Variants in PIWIL1 observed in about 807,000 individuals in gnomAD.
PIWIL1 encodes piwi-like protein 1.
Under a neutral mutation model 114.4 loss-of-function variants are expected in PIWIL1, and 73 were observed. The ratio of observed to expected loss-of-function variants is 0.64; its 90% CI spans 0.53 to 0.78. The LOEUF (loss-of-function observed/expected upper bound fraction) is 0.78. PIWIL1 is among the 30% of genes least tolerant of loss of function. The pLI is 0.00. For synonymous variants in PIWIL1, 375 were observed against 369.0 expected (o/e 1.02, Z -0.19); for missense variants, 723 against 1,063.1 (o/e 0.68, Z 4.45).
At chr12:130,374,447 T>C (rs1267683558), downstream of PIWIL1, among the ~76,000 whole-genome samples, 1 of 152,238 alleles carries the variant, frequency 6.6e-6, no homozygotes, top group African/African-American at 2.4e-5. Flanking sequence ...ATTTTAAAAA[T>C]CCATTGTGTA....
chr12:130,355,307 AG>A (rs756082963), intron 11 of PIWIL1, among the ~76,000 whole-genome samples: 1 of 152,212 alleles, frequency 6.6e-6, no homozygotes, highest in Non-Finnish European at 1.5e-5. Context: ...TGTTATATCA[AG>A]GGGTTTCCTT....
intron 18 of PIWIL1, among the ~76,000 whole-genome samples, chr12:130,364,717 G>A (rs917874183): frequency 7.2e-5 from 11 of 152,142 alleles, no homozygotes; most frequent in Admixed American, 3.3e-4. Flanking sequence ...CTGTCTGTGT[G>A]GGGAGGTGTG....
At chr12:130,401,663 A>C in the PIWIL1 span, among the ~76,000 whole-genome samples, 1 of 151,804 alleles carries the variant, frequency 6.6e-6, no homozygotes, top group Non-Finnish European at 1.5e-5. Flanking sequence ...TTTCTAGGCC[A>C]CCTATCCTTT....
the PIWIL1 span, chr12:130,399,749 A>G: frequency 8.7e-6 from 14 of 1,614,168 alleles, no homozygotes; most frequent in South Asian, 3.3e-5. Flanking sequence ...ATAGACTTCT[A>G]CGTCATCAGG....
At chr12:130,423,553 C>T in the PIWIL1 span, among the ~76,000 whole-genome samples, 70 of 150,876 alleles carry the variant, frequency 4.6e-4, no homozygotes, top group South Asian at 1.3e-3. Flanking sequence ...CAAGCCCAGA[C>T]GGCAGGGCCG....
chr12:130,418,870 G>A, the PIWIL1 span, among the ~76,000 whole-genome samples: 1 of 152,176 alleles, frequency 6.6e-6, no homozygotes, highest in Admixed American at 6.5e-5. Context: ...CACCACGGGA[G>A]GCATTTAGGC....
intron 20 of PIWIL1, 22 bp from the exon 21 acceptor site, chr12:130,371,460 C>T (rs749144719): frequency 6.2e-7 from 1 of 1,610,764 alleles, no homozygotes; most frequent in Admixed American, 1.7e-5. Context: ...AGTAATAGAA[C>T]CTTTTTTTCC....
rs554380221 is a variant in PIWIL1, at chr12:130,367,202, A to G, written c.2265A>G (p.Arg755=). The G allele has an allele frequency of 2.5e-6, 4 of 1,614,014 alleles. No individual in the cohort carries two copies. Among genetic ancestry groups the G allele is most frequent in the African/African-American group, 2.7e-5 (2 of 75,038 alleles). Residue 755 remains arginine, a synonymous_variant, in exon 19 of 21, where the codon AGA becomes AGG. Transcript: ENST00000245255. ...NTRFFAQSGG[R]LQNPLPGTVI... ...GATTTTTTGCTCAGTCTGGAGGAAG[A>G]CTTCAGAATCCACTTCCTGGAACAG...
At chr12:130,407,793 G>A in the PIWIL1 span, 17 of 1,613,836 alleles carry the variant, frequency 1.1e-5, no homozygotes, top group Admixed American at 1.7e-5. Context: ...TCTCCGCGTC[G>A]ATACCGAATG....
chr12:130,408,603 G>A, the PIWIL1 span, among the ~76,000 whole-genome samples: 2 of 152,186 alleles, frequency 1.3e-5, no homozygotes, highest in Non-Finnish European at 1.5e-5. Flanking sequence ...ACAGATAACA[G>A]GTGAACACTC....
chr12:130,407,352 T>G, the PIWIL1 span, among the ~76,000 whole-genome samples: 1 of 152,196 alleles, frequency 6.6e-6, no homozygotes, highest in South Asian at 2.1e-4. Context: ...TACTGTTCTA[T>G]GTGTGGGGCC....
intron 3 of PIWIL1, among the ~76,000 whole-genome samples, chr12:130,344,482 C>T (rs11832858): frequency 0.17 from 26,086 of 152,102 alleles, 2,421 homozygotes; most frequent in South Asian, 0.23. Context: ...GCCTGTGATG[C>T]TTATTCTCAA....
rs75507896 is a variant in PIWIL1 at position 130,349,474 on chromosome 12, G to A, written c.932+38G>A. On this transcript the variant is annotated intron_variant, in intron 8 of 20. Coordinates refer to ENST00000245255, the MANE Select transcript of PIWIL1 (RefSeq NM_004764.5). ...TTTAAAGTGCACAATAATTTTTTGT[G>A]AGTCAAAGTATTGTGGCTTTCTAGT... 1,514 of 1,382,752 alleles carry A rather than the reference G, an allele frequency of 1.1e-3. 26 individuals carry two copies. In the East Asian group the frequency reaches 0.034, roughly 31 times the overall value. The allele number at this position is 1,382,752 out of a possible 1,614,324, so 85.7% of individuals were successfully genotyped here. A position where few individuals can be genotyped will look rare whatever the true frequency, so the allele number is the denominator to read the frequency against.
intron 17 of PIWIL1, 54 bp downstream of exon 17, chr12:130,362,890 A>G (rs2073552527): frequency 1.2e-6 from 2 of 1,610,936 alleles, no homozygotes; most frequent in African/African-American, 2.7e-5. Flanking sequence ...TCTTCCAGAA[A>G]TTACCCTGAA....
chr12:130,423,753 GA>G, the PIWIL1 span, among the ~76,000 whole-genome samples: 1 of 139,316 alleles, frequency 7.2e-6, no homozygotes, highest in Admixed American at 7.2e-5. Context: ...AAATAACAAG[GA>G]AAAAAAACCC....
At chr12:130,406,338 G>C in the PIWIL1 span, 2 of 778,212 alleles carry the variant, frequency 2.6e-6, no homozygotes, top group Non-Finnish European at 4.2e-6. Context: ...TACTATTTGA[G>C]AATTTCTGGT....
chr12:130,395,640 A>C, the PIWIL1 span, among the ~76,000 whole-genome samples: 4 of 152,364 alleles, frequency 2.6e-5, no homozygotes, highest in South Asian at 8.3e-4. Flanking sequence ...CAATTATGAG[A>C]TAAATTATAG....
the PIWIL1 span, among the ~76,000 whole-genome samples, chr12:130,401,682 C>T: frequency 6.6e-6 from 1 of 152,088 alleles, no homozygotes; most frequent in South Asian, 2.1e-4. Flanking sequence ...TTTTACTGTG[C>T]ATGTGCCCCT....
At chr12:130,345,060 C>T (rs2073036149) in intron 3 of PIWIL1, among the ~76,000 whole-genome samples, 2 of 152,272 alleles carry the variant, frequency 1.3e-5, no homozygotes, top group South Asian at 2.1e-4. Context: ...TTTTGGCTCA[C>T]ATCAGATTGT....
Sources: gnomAD v4.1 joint callset for allele counts (sites outside exome capture counted in the v4.1 genomes callset) on GRCh38, gnomAD v4.1.1 for gene constraint, MANE v1.5 for transcripts, NCBI Gene and HGNC (gene_info 2026-07-23, HGNC 2026-07-21) for gene names.